Variants in SCP2 observed in about 807,000 individuals in gnomAD.
The protein encoded by SCP2 is sterol carrier protein 2, also known as SCP-2/3-oxoacyl-CoA thiolase.
Under a neutral mutation model 71.4 loss-of-function variants are expected in SCP2, and 48 were observed. That is an observed-to-expected ratio of 0.67 (90% CI 0.53 to 0.86). SCP2 has a LOEUF of 0.86. SCP2 is among the 40% of genes least tolerant of loss of function. The pLI is 0.00. For synonymous variants in SCP2, 220 were observed against 218.1 expected, an observed-to-expected ratio of 1.01 and a Z score of -0.08; for missense variants, 560 against 655.6, an observed-to-expected ratio of 0.85 and a Z score of 1.59.
chr1:53,002,259 T>C (rs1660365882), intron 11 of SCP2, among the ~76,000 whole-genome samples: 1 of 152,222 alleles, frequency 6.6e-6, no homozygotes, highest in African/African-American at 2.4e-5. Context: ...AAGTCAGGAT[T>C]CATATTTCAT....
In SCP2 at chr1:52,955,035, A is replaced by AT. The variant is rs200733442; in HGVS notation, c.396+238dup. 0.019 allele frequency among the ~76,000 whole-genome samples: 2,946 copies of AT among 152,286 alleles called. 72 individuals carry two copies. Among genetic ancestry groups the AT allele is most frequent in the African/African-American group, 0.053 (2,200 of 41,550 alleles). ...TAATTTAAAAGCCATTCATTTATTC[A>AT]TTTTTTTGATAAATGAATTACATTC... On this transcript the variant is annotated intron_variant, in intron 5 of 15. Coordinates refer to ENST00000371514, the MANE Select transcript of SCP2 (RefSeq NM_002979.5).
intron 9 of SCP2, among the ~76,000 whole-genome samples, chr1:52,979,990 T>A (rs564186179): frequency 6.6e-6 from 1 of 151,984 alleles, no homozygotes; most frequent in Middle Eastern, 3.4e-3. Context: ...TGTTTCTTTT[T>A]TGAGACAGGA....
At chr1:52,934,308 T>G (rs1467886383) in intron 1 of SCP2, among the ~76,000 whole-genome samples, 2 of 152,124 alleles carry the variant, frequency 1.3e-5, no homozygotes, top group Non-Finnish European at 2.9e-5. Context: ...AACTTCCTAC[T>G]ATTAAAAATT....
At chr1:52,989,467 AG>A (rs1233806497) in intron 11 of SCP2, among the ~76,000 whole-genome samples, 1 of 152,232 alleles carries the variant, frequency 6.6e-6, no homozygotes, top group East Asian at 1.9e-4. Flanking sequence ...CTCTTTCTGC[AG>A]CTCCACTGTA....
intron 6 of SCP2, among the ~76,000 whole-genome samples, chr1:52,971,976 A>G (rs2150158889): frequency 6.6e-6 from 1 of 152,276 alleles, no homozygotes; most frequent in South Asian, 2.1e-4. Flanking sequence ...TAGCCTCAGG[A>G]GAGAATGGGC....
rs891802239 is a variant in SCP2 at position 52,985,919 on chromosome 1, C to T, written c.974-2110C>T. Among the ~76,000 whole-genome samples the T allele has an allele frequency of 2.0e-5, 3 of 152,154 alleles. No homozygotes were observed. In the East Asian group the frequency reaches 5.8e-4, roughly 29 times the overall value. ...CTTCCTTGTCTCAATGTGTCCTATA[C>T]CCTTTCCCTGCTTTCTTTTTTCCCT... On this transcript the variant is annotated intron_variant, in intron 10 of 15. Transcript: ENST00000371514.
chr1:52,994,964 C>A, intron 11 of SCP2: 2 of 514,982 alleles, frequency 3.9e-6, no homozygotes, highest in Non-Finnish European at 7.7e-6. Flanking sequence ...AGCTCAGGCC[C>A]TTTTGGCCAG....
At chr1:52,965,599 T>C (rs1170988880) in intron 6 of SCP2, among the ~76,000 whole-genome samples, 1 of 152,148 alleles carries the variant, frequency 6.6e-6, no homozygotes. Flanking sequence ...TGTTATATCC[T>C]CCAAGGTGGT....
In SCP2 at chr1:52,950,801, G is replaced by A; in HGVS notation, c.246G>A (p.Met82Ile). The A allele has an allele frequency of 1.9e-6, 3 of 1,613,718 alleles. No homozygotes were observed. Among genetic ancestry groups the A allele is most frequent in the Admixed American group, 1.7e-5 (1 of 60,014 alleles). Residue 82 changes from methionine to isoleucine, a missense_variant, in exon 4 of 16, where the codon ATG becomes ATA. Physicochemically the swap from Met to Ile is conservative, Grantham distance 10. This residue lies in a region of SCP2 where 513 missense variants were observed against 573.1 expected (regional missense o/e 0.90). Coordinates refer to ENST00000371514, the MANE Select transcript of SCP2 (RefSeq NM_002979.5). The part of the protein sequence containing the change: ...GQRAIYHSLG[M>I]TGIPIINVNN... ...GGGCTATCTATCACAGTTTGGGAAT[G>A]ACTGGAATTCCTATAATCAATGTCA...
At chr1:52,947,571 T>G (rs2150121372) in intron 2 of SCP2, among the ~76,000 whole-genome samples, 1 of 152,342 alleles carries the variant, frequency 6.6e-6, no homozygotes, top group Non-Finnish European at 1.5e-5. Flanking sequence ...TCTTTCTTGT[T>G]CCATAGACAG....
chr1:52,974,107 G>T (rs1249244735), intron 6 of SCP2, among the ~76,000 whole-genome samples: 3 of 152,112 alleles, frequency 2.0e-5, no homozygotes, highest in Non-Finnish European at 4.4e-5. Flanking sequence ...AGCTCTAATT[G>T]GTGGCTTTCT....
intron 2 of SCP2, chr1:52,943,931 TG>T (rs1654524727): frequency 2.5e-6 from 1 of 399,658 alleles, no homozygotes; most frequent in African/African-American, 2.1e-5. Context: ...GTACTAGCCA[TG>T]GTATAGAGAC....
At chr1:52,960,742 G>GTGTGTGTA (rs1261130450) in intron 5 of SCP2, among the ~76,000 whole-genome samples, 9 of 149,140 alleles carry the variant, frequency 6.0e-5, no homozygotes, top group African/African-American at 2.3e-4. Context: ...GTGTGTGTGT[G>GTGTGTGTA]TATATTTATT....
intron 11 of SCP2, among the ~76,000 whole-genome samples, chr1:52,990,583 A>G (rs1052692164): frequency 7.2e-5 from 11 of 151,906 alleles, no homozygotes; most frequent in African/African-American, 2.4e-4. Flanking sequence ...AAATACAAAA[A>G]GTTAGCCAGG....
Position 52,979,290 on chromosome 1 carries a change from G to T in SCP2, c.825+923G>T, listed in dbSNP as rs193183917. 2.1e-3 allele frequency among the ~76,000 whole-genome samples: 323 copies of T among 151,888 alleles called. 1 individual carries two copies. Among genetic ancestry groups the T allele is most frequent in the Non-Finnish European group, 3.6e-3 (244 of 67,970 alleles). Reference sequence around the variant, plus strand: ...AGTCTCAAGCAATCCTCCCACTTCAGCCTCTCGAGAAAGTGGGACTACAGG... The same window carrying T: ...AGTCTCAAGCAATCCTCCCACTTCATCCTCTCGAGAAAGTGGGACTACAGG... On this transcript the variant is annotated intron_variant, in intron 9 of 15. Transcript: ENST00000371514.
chr1:52,984,942 C>T (rs1299541616), intron 10 of SCP2, among the ~76,000 whole-genome samples: 1 of 143,894 alleles, frequency 6.9e-6, no homozygotes, highest in East Asian at 2.1e-4. Flanking sequence ...CAGGTTCAGG[C>T]GATTCTCCTG....
chr1:53,031,688 T>C (rs1662554658), intron 13 of SCP2, among the ~76,000 whole-genome samples: 1 of 152,228 alleles, frequency 6.6e-6, no homozygotes, highest in African/African-American at 2.4e-5. Context: ...TTAAACTCTT[T>C]CTCCTCATCA....
chr1:52,960,508 G>GTA (rs1557561872), intron 5 of SCP2, among the ~76,000 whole-genome samples: 4 of 138,564 alleles, frequency 2.9e-5, no homozygotes, highest in African/African-American at 8.4e-5. Context: ...GTGTGTGTGT[G>GTA]TGTGTGTGTG....
In SCP2 at chr1:52,930,495, G is replaced by A. The variant is rs1015783981; in HGVS notation, c.69+3030G>A. Among the ~76,000 whole-genome samples, 55 of 151,870 alleles carry A rather than the reference G, an allele frequency of 3.6e-4. 1 individual carries two copies. The highest frequency in any genetic ancestry group is 1.2e-3 in the African/African-American group (50 of 41,342). ...AGAAAAATTAGCTGGGCTTAGTGGC[G>A]CACACCTATAGTCCCAACCACTCGG... On this transcript the variant is annotated intron_variant, in intron 1 of 15. Transcript: ENST00000371514.
Sources: allele counts gnomAD v4.1 joint callset (sites outside exome capture counted in the v4.1 genomes callset), GRCh38; gene constraint gnomAD v4.1.1; regional missense constraint gnomAD v4.1.1; transcripts MANE v1.5; gene names NCBI Gene and HGNC (gene_info 2026-07-23, HGNC 2026-07-21).